The following CSNK1D variants were observed in gnomAD, a reference collection of about 807,000 sequenced individuals.
CSNK1D encodes casein kinase 1 delta.
Under a neutral mutation model 46.6 loss-of-function variants are expected in CSNK1D, and 16 were observed. The observed-to-expected ratio is 0.34, with a 90% CI of 0.23 to 0.52. The LOEUF (loss-of-function observed/expected upper bound fraction) is 0.52, where lower values mean the gene tolerates loss of function less well. Ranked by LOEUF, CSNK1D falls within the 20% of genes least tolerant of loss-of-function variation. CSNK1D has a pLI of 0.95. For synonymous variants in CSNK1D, 276 were observed against 228.2 expected (o/e 1.21, Z -1.89); for missense variants, 398 against 578.4 (o/e 0.69, Z 3.20).
rs1245937413 is a variant in CSNK1D at position 82,248,686 on chromosome 17, C to T, written c.1197+189G>A. 1.4e-6 allele frequency: 2 copies of T among 1,427,628 alleles called. No individual in the cohort carries two copies. Among genetic ancestry groups the T allele is most frequent in the Non-Finnish European group, 1.8e-6 (2 of 1,091,436 alleles). The allele number at this position is 1,427,628 out of a possible 1,614,324, so 88.4% of individuals were successfully genotyped here. A position where few individuals can be genotyped will look rare whatever the true frequency, so the allele number is the denominator to read the frequency against. On this transcript the variant is annotated intron_variant, in intron 8 of 8. Transcript: ENST00000314028. This position sits in a 1 kb window ranked among gnomAD's most constrained non-coding sequence, Gnocchi z 4.1. ...AACCAGGAGACAAGCCCCATGACGG[C>T]CCAGCATGTCTCCCAGGCCCTCCCG... is the stretch of plus-strand genomic sequence containing the variant.
chr17:82,241,449 G>A (rs2050740839), downstream of CSNK1D, among the ~76,000 whole-genome samples: 1 of 152,256 alleles, frequency 6.6e-6, no homozygotes, highest in South Asian at 2.1e-4. Flanking sequence ...CAGAGAACAA[G>A]CCCTCTAACT....
chr17:82,249,089 G>A lies in CSNK1D; in HGVS notation c.1058-75C>T. On this transcript the variant is annotated intron_variant, in intron 7 of 8. Coordinates refer to ENST00000314028, the MANE Select transcript of CSNK1D (RefSeq NM_001893.6). This position sits in a 1 kb window ranked among gnomAD's most constrained non-coding sequence, Gnocchi z 6.7. ...CACTCGGGGCTTTCTATGAGAGGCT[G>A]TGGCCAGAGAGGACCCTGGGCTGCC... 1 of 1,516,232 alleles carries A rather than the reference G, an allele frequency of 6.6e-7. No individual in the cohort carries two copies. The highest frequency in any genetic ancestry group is 8.9e-7 in the Non-Finnish European group (1 of 1,126,408). The allele number at this position is 1,516,232 out of a possible 1,614,324, so 93.9% of individuals were successfully genotyped here.
At chr17:82,247,147 C>A in intron 8 of CSNK1D, 1 of 985,452 alleles carries the variant, frequency 1.0e-6, no homozygotes, top group South Asian at 4.7e-5. Flanking sequence ...AGAACACACC[C>A]CCAAACCAGC....
intron 1 of CSNK1D, among the ~76,000 whole-genome samples, chr17:82,269,084 G>A (rs889787116): frequency 7.7e-6 from 1 of 129,268 alleles, no homozygotes; most frequent in Non-Finnish European, 1.6e-5. Context: ...GCAACAGAAT[G>A]ATACTTTGTC....
chr17:82,253,337 T>C (rs932799022), intron 3 of CSNK1D, 93 bp from the exon 4 acceptor site: 3 of 986,044 alleles, frequency 3.0e-6, no homozygotes, highest in Non-Finnish European at 4.9e-6. Context: ...GGCTGCATTG[T>C]TCCTGCCCCT....
At chr17:82,253,393 C>T in intron 3 of CSNK1D, 149 bp from the exon 4 acceptor site, 1 of 736,478 alleles carries the variant, frequency 1.4e-6, no homozygotes, top group Admixed American at 2.0e-5. Context: ...GGATGCCGAA[C>T]TGACCAAATT....
intron 8 of CSNK1D, chr17:82,246,689 G>A (rs1320449880): frequency 4.0e-6 from 4 of 994,710 alleles, no homozygotes; most frequent in East Asian, 1.1e-4. Flanking sequence ...AGGCTGCCAC[G>A]TGGTCTTCCA....
intron 1 of CSNK1D, among the ~76,000 whole-genome samples, chr17:82,268,038 C>CTGTGCAAGCACACAGA (rs963299230): frequency 2.6e-5 from 4 of 152,264 alleles, no homozygotes; most frequent in African/African-American, 9.6e-5. Flanking sequence ...GGACCTCTCG[C>CTGTGCAAGCACACAGA]TGTGCAAGCA....
chr17:82,243,000 G>C lies in CSNK1D; in HGVS notation c.*1781C>G, dbSNP rs1007326220. 1.0e-6 allele frequency: 1 copy of C among 985,440 alleles called. No homozygotes were observed. Among genetic ancestry groups the C allele is most frequent in the Non-Finnish European group, 1.2e-6 (1 of 829,948 alleles). 61.0% of individuals were successfully genotyped at this position (985,440 alleles called of 1,614,324 possible). ...CGCGACGTCTCTCCGGGTGGGGGAC[G>C]TCTACCTTCAAGAAGGGGTCCAGCA... On this transcript the variant is annotated 3_prime_UTR_variant, in exon 9 of 9. Coordinates refer to ENST00000314028, the MANE Select transcript of CSNK1D (RefSeq NM_001893.6).
chr17:82,260,495 C>CTGATGGTGTACTGAG (rs2051306287), intron 2 of CSNK1D, among the ~76,000 whole-genome samples: 1 of 101,198 alleles, frequency 9.9e-6, no homozygotes, highest in African/African-American at 4.2e-5. Flanking sequence ...GGTGTACTGA[C>CTGATGGTGTACTGAG]TGATGTGACT....
chr17:82,243,634 T>TTGG lies in CSNK1D; in HGVS notation c.*1144_*1146dup. ...TCCGGTTGGGAGAGTCACCTGCTCC[T>TTGG]TGGCACCTCAGGGTGGGTCCTTCTG... On this transcript the variant is annotated 3_prime_UTR_variant, in exon 9 of 9. Transcript: ENST00000314028. 2 of 985,526 alleles carry TTGG rather than the reference T, an allele frequency of 2.0e-6. No homozygotes were observed. Among genetic ancestry groups the TTGG allele is most frequent in the Non-Finnish European group, 2.4e-6 (2 of 829,960 alleles). The allele number at this position is 985,526 out of a possible 1,614,324, so 61.0% of individuals were successfully genotyped here.
rs1047527138 is a variant in CSNK1D at position 82,250,537 on chromosome 17, G to A, written c.885+842C>T. 1.5e-4 allele frequency: 39 copies of A among 251,854 alleles called. No individual in the cohort carries two copies. Among genetic ancestry groups the A allele is most frequent in the Non-Finnish European group, 8.1e-5 (10 of 123,622 alleles). 15.6% of individuals were successfully genotyped at this position (251,854 alleles called of 1,614,324 possible). On this transcript the variant is annotated intron_variant, in intron 6 of 8. Transcript: ENST00000314028. This position sits in a 1 kb window ranked among gnomAD's most constrained non-coding sequence, Gnocchi z 4.6. Reference sequence around the variant, plus strand: ...TCCCGGCACCTGGGCCCCGAGGCTCGGGCCTGCCTCGCCTGCCATCTCTCC... The same window carrying A: ...TCCCGGCACCTGGGCCCCGAGGCTCAGGCCTGCCTCGCCTGCCATCTCTCC...
intron 2 of CSNK1D, among the ~76,000 whole-genome samples, chr17:82,261,672 A>G (rs1398488969): frequency 6.6e-6 from 1 of 152,230 alleles, no homozygotes; most frequent in Non-Finnish European, 1.5e-5. Flanking sequence ...TGGCACAGAC[A>G]TGGGGCTGGG....
At position 82,244,426 on chromosome 17, in the gene CSNK1D, T is replaced by G; in HGVS notation, c.*355A>C. 8.0e-7 allele frequency: 1 copy of G among 1,250,140 alleles called. No individual in the cohort carries two copies. The highest frequency in any genetic ancestry group is 1.0e-6 in the Non-Finnish European group (1 of 985,858). The allele number at this position is 1,250,140 out of a possible 1,614,324, so 77.4% of individuals were successfully genotyped here. On this transcript the variant is annotated 3_prime_UTR_variant, in exon 9 of 9. Transcript: ENST00000314028. The stretch of plus-strand genomic sequence containing the variant: ...ATGATACAAAACTGTCTTAACCAAG[T>G]AGAAGATTGGTAGTTACAGTGGAAT...
At chr17:82,266,483 T>A (rs1158052888) in intron 1 of CSNK1D, among the ~76,000 whole-genome samples, 2 of 152,180 alleles carry the variant, frequency 1.3e-5, no homozygotes, top group Non-Finnish European at 2.9e-5. Flanking sequence ...CAATGACACA[T>A]CTAATACCAT....
At chr17:82,267,945 C>A (rs2051520344) in intron 1 of CSNK1D, among the ~76,000 whole-genome samples, 1 of 152,272 alleles carries the variant, frequency 6.6e-6, no homozygotes, top group African/African-American at 2.4e-5. Flanking sequence ...GCCAGTCACA[C>A]CTGCAGCACT....
At position 82,244,422 on chromosome 17, in the gene CSNK1D, C is replaced by A; in HGVS notation, c.*359G>T. On this transcript the variant is annotated 3_prime_UTR_variant, in exon 9 of 9. Coordinates refer to ENST00000314028, the MANE Select transcript of CSNK1D (RefSeq NM_001893.6). ...CAAAATGATACAAAACTGTCTTAAC[C>A]AAGTAGAAGATTGGTAGTTACAGTG... 8.1e-7 allele frequency: 1 copy of A among 1,234,554 alleles called. No homozygotes were observed. Among genetic ancestry groups the A allele is most frequent in the Non-Finnish European group, 1.0e-6 (1 of 976,414 alleles). The allele number at this position is 1,234,554 out of a possible 1,614,324, so 76.5% of individuals were successfully genotyped here.
At chr17:82,240,185 G>T, downstream of CSNK1D, 1 of 711,164 alleles carries the variant, frequency 1.4e-6, no homozygotes, top group Non-Finnish European at 2.0e-6. Flanking sequence ...CCTCAGGGCT[G>T]TGGAGGCCTC....
At chr17:82,253,480 A>G in intron 3 of CSNK1D, 2 of 528,716 alleles carry the variant, frequency 3.8e-6, no homozygotes, top group Non-Finnish European at 7.0e-6. Context: ...AGCTCCCACA[A>G]AACAGAGAGG....
Sources: gnomAD v4.1 joint callset for allele counts (sites outside exome capture counted in the v4.1 genomes callset) on GRCh38, gnomAD v4.1.1 for gene constraint, Gnocchi (gnomAD v3.1) non-coding constraint, MANE v1.5 for transcripts, NCBI Gene and HGNC (gene_info 2026-07-23, HGNC 2026-07-21) for gene names.